Variants in CPED1 observed in about 807,000 individuals in gnomAD.
CPED1 encodes the protein cadherin like and PC-esterase domain containing 1.
Under a neutral mutation model 128.2 loss-of-function variants are expected in CPED1, and 114 were observed. That is an observed-to-expected ratio of 0.89 (90% CI 0.76 to 1.04). The LOEUF is 1.04. CPED1 is among the 50% of genes least tolerant of loss of function. The pLI, the probability that CPED1 is intolerant of heterozygous loss-of-function variation, is 0.00. For synonymous variants in CPED1, 462 were observed against 426.7 expected (o/e 1.08, Z -1.02); for missense variants, 1,211 against 1,207.1 (o/e 1.00, Z -0.05).
rs114477394 is a variant in CPED1 at position 121,087,332 on chromosome 7, T to C, written c.617-10367T>C. 7.2e-3 allele frequency among the ~76,000 whole-genome samples: 1,093 copies of C among 152,286 alleles called. 16 individuals are homozygous for C. Among genetic ancestry groups the C allele is most frequent in the African/African-American group, 0.025 (1,048 of 41,544 alleles). ...CTATCCTGCCCAACATCTCTCTTCA[T>C]TGGTCTCTTTGTCCACTCTTCTCTC... On this transcript the variant is annotated intron_variant, in intron 5 of 22. Transcript: ENST00000310396.
intron 7 of CPED1, among the ~76,000 whole-genome samples, chr7:121,112,451 A>G (rs925532636): frequency 2.1e-5 from 3 of 144,784 alleles, no homozygotes; most frequent in Non-Finnish European, 3.0e-5. Context: ...CAGACAGTAG[A>G]GTTTTGCACC....
chr7:121,189,799 A>ATATATATATATAT (rs58389973), intron 16 of CPED1, among the ~76,000 whole-genome samples: 693 of 31,154 alleles, frequency 0.022, 37 homozygotes, highest in South Asian at 0.043. Flanking sequence ...TATATATATA[A>ATATATATATATAT]AATTTGTATT....
intron 16 of CPED1, among the ~76,000 whole-genome samples, chr7:121,203,462 C>T (rs7797976): frequency 0.35 from 53,217 of 151,974 alleles, 9,743 homozygotes; most frequent in Middle Eastern, 0.5. Context: ...CTTTCCTTCT[C>T]TGTCAACAGA....
chr7:121,133,988 A>G, intron 13 of CPED1, 95 bp downstream of exon 13: 1 of 679,978 alleles, frequency 1.5e-6, no homozygotes, highest in Non-Finnish European at 2.5e-6. Context: ...GCAATCAAAA[A>G]TGAAAATTAA....
chr7:121,066,480 T>C (rs923050494), intron 5 of CPED1, among the ~76,000 whole-genome samples: 1 of 152,132 alleles, frequency 6.6e-6, no homozygotes, highest in Non-Finnish European at 1.5e-5. Context: ...GGTAACTGGA[T>C]TACCCTGGAT....
chr7:121,292,817 AG>A (rs1235969368), intron 22 of CPED1, among the ~76,000 whole-genome samples: 1 of 152,170 alleles, frequency 6.6e-6, no homozygotes, highest in Non-Finnish European at 1.5e-5. Flanking sequence ...GGTCCACCCC[AG>A]GCCCTGTTTA....
At chr7:121,020,044 G>T (rs1792398595) in intron 3 of CPED1, among the ~76,000 whole-genome samples, 1 of 151,842 alleles carries the variant, frequency 6.6e-6, no homozygotes, top group Non-Finnish European at 1.5e-5. Flanking sequence ...GAAGAGTAGT[G>T]GATATTTGGC....
chr7:121,127,063 ATTTGCTGTGC>A lies in CPED1; in HGVS notation c.1135-23_1135-14del. On this transcript the variant is annotated splice_polypyrimidine_tract_variant and intron_variant, in intron 9 of 22. Coordinates refer to ENST00000310396, the MANE Select transcript of CPED1 (RefSeq NM_024913.5). ...TCTTAAAAGTAAATCGATGAAAAAT[ATTTGCTGTGC>A]TTTTGTTCTTTCAAAGGTACACGAG... 6.7e-7 allele frequency: 1 copy of A among 1,500,122 alleles called. No homozygotes were observed. The highest frequency in any genetic ancestry group is 1.3e-5 in the South Asian group (1 of 78,980). 92.9% of individuals were successfully genotyped at this position (1,500,122 alleles called of 1,614,324 possible).
At chr7:121,155,337 C>T (rs1302466479) in intron 16 of CPED1, among the ~76,000 whole-genome samples, 1 of 152,118 alleles carries the variant, frequency 6.6e-6, no homozygotes, top group Non-Finnish European at 1.5e-5. Flanking sequence ...CAATAACATT[C>T]TTCACAGAAA....
chr7:121,063,561 A>G (rs2116050350), intron 4 of CPED1, among the ~76,000 whole-genome samples: 2 of 152,174 alleles, frequency 1.3e-5, no homozygotes, highest in East Asian at 3.9e-4. Flanking sequence ...TTTGAAAGTA[A>G]TCAATATCTC....
At chr7:121,254,644 A>T (rs1433218615) in intron 18 of CPED1, among the ~76,000 whole-genome samples, 2 of 152,018 alleles carry the variant, frequency 1.3e-5, no homozygotes, top group African/African-American at 4.8e-5. Context: ...AAAGATAAGT[A>T]AGACTGATAG....
Position 121,181,209 on chromosome 7 carries a change from A to G in CPED1, c.2055+39068A>G, listed in dbSNP as rs189448695. Among the ~76,000 whole-genome samples, 226 of 152,168 alleles carry G rather than the reference A, an allele frequency of 1.5e-3. 1 individual carries two copies. Among genetic ancestry groups the G allele is most frequent in the Non-Finnish European group, 2.7e-3 (182 of 67,962 alleles). On this transcript the variant is annotated intron_variant, in intron 16 of 22. Transcript: ENST00000310396. ...TGTTTTATATATTTGTAAAAGGTGA[A>G]TGGTTTCCCCAGTTTGCTTGACATG...
chr7:121,160,220 A>C (rs1022662952), intron 16 of CPED1, among the ~76,000 whole-genome samples: 1 of 152,102 alleles, frequency 6.6e-6, no homozygotes. Flanking sequence ...TTACATCACT[A>C]TTACATTATA....
At chr7:121,125,402 CATCTAGGTTTT>C (rs1248658022) in intron 8 of CPED1, among the ~76,000 whole-genome samples, 1 of 152,124 alleles carries the variant, frequency 6.6e-6, no homozygotes, top group Non-Finnish European at 1.5e-5. Context: ...ATCAATCCAT[CATCTAGGTTTT>C]AAGCCCTGCA....
At chr7:121,271,551 A>C in intron 22 of CPED1, 121 bp downstream of exon 22, 1 of 970,046 alleles carries the variant, frequency 1.0e-6, no homozygotes. Context: ...GGTGGAGATT[A>C]AATGATATAT....
At chr7:121,245,795 C>T (rs925282035) in intron 18 of CPED1, among the ~76,000 whole-genome samples, 30 of 151,206 alleles carry the variant, frequency 2.0e-4, no homozygotes, top group African/African-American at 6.6e-4. Flanking sequence ...GGTTCAAGCG[C>T]GTCTCCTGCC....
intron 16 of CPED1, among the ~76,000 whole-genome samples, chr7:121,201,326 C>T (rs888452782): frequency 7.9e-5 from 12 of 151,802 alleles, no homozygotes; most frequent in African/African-American, 2.2e-4. Context: ...CAGCTACTTA[C>T]GAGGCTGAGG....
chr7:121,194,512 C>T (rs976116402), intron 16 of CPED1, among the ~76,000 whole-genome samples: 1 of 151,900 alleles, frequency 6.6e-6, no homozygotes, highest in African/African-American at 2.4e-5. Flanking sequence ...CATATCAAGA[C>T]TAACGGATGA....
intron 12 of CPED1, among the ~76,000 whole-genome samples, chr7:121,133,469 A>AT (rs1795718442): frequency 6.6e-6 from 1 of 152,082 alleles, no homozygotes; most frequent in South Asian, 2.1e-4. Context: ...TGATTCCAAG[A>AT]TTTTTTGCTC....
Sources: gnomAD v4.1 joint callset for allele counts (sites outside exome capture counted in the v4.1 genomes callset) on GRCh38, gnomAD v4.1.1 for gene constraint, MANE v1.5 for transcripts, NCBI Gene and HGNC (gene_info 2026-07-23, HGNC 2026-07-21) for gene names.